The following SLC67A1 variants were observed in gnomAD, a reference collection of about 807,000 sequenced individuals.
SLC67A1 encodes the protein solute carrier family 67 member A1.
the SLC67A1 span, chr11:2,914,615 T>G: frequency 1.3e-6 from 1 of 748,864 alleles, no homozygotes; most frequent in Non-Finnish European, 1.6e-6. Flanking sequence ...GGCTTTCCTG[T>G]TGCCCACAGC....
At chr11:2,909,840 A>G in the SLC67A1 span, 2 of 1,057,192 alleles carry the variant, frequency 1.9e-6, no homozygotes, top group East Asian at 3.0e-5. Flanking sequence ...TGATGTGGCT[A>G]CTGGGGACGT....
the SLC67A1 span, chr11:2,925,077 C>T: frequency 1.9e-6 from 3 of 1,613,818 alleles, no homozygotes; most frequent in Non-Finnish European, 1.7e-6. This position sits in a 1 kb window ranked among gnomAD's most constrained non-coding sequence, Gnocchi z 6.5. Context: ...CGGTCGGCGG[C>T]CTCCTGTACC....
chr11:2,922,162 C>T, the SLC67A1 span: 37 of 1,613,524 alleles, frequency 2.3e-5, no homozygotes, highest in Middle Eastern at 1.6e-4. Context: ...GGTGCTGCTC[C>T]GGGCCAGCGT....
At chr11:2,905,909 A>G in the SLC67A1 span, among the ~76,000 whole-genome samples, 2 of 152,100 alleles carry the variant, frequency 1.3e-5, no homozygotes, top group Non-Finnish European at 2.9e-5. Flanking sequence ...GGGTGCCCCC[A>G]CAGAAGGGGA....
the SLC67A1 span, chr11:2,925,068 G>T: frequency 6.2e-7 from 1 of 1,613,690 alleles, no homozygotes; most frequent in African/African-American, 1.3e-5. The surrounding 1 kb of genome is among the most constrained non-coding windows in gnomAD (Gnocchi z 6.5). Context: ...TGGGACCCAC[G>T]GTCGGCGGCC....
the SLC67A1 span, chr11:2,903,359 G>A: frequency 3.6e-4 from 586 of 1,612,878 alleles, 3 homozygotes; most frequent in East Asian, 7.0e-3. Flanking sequence ...CAGGGAGCTC[G>A]GGCTCCCAGG....
chr11:2,920,267 C>A, the SLC67A1 span: 1 of 152,312 alleles, frequency 6.6e-6, no homozygotes, highest in East Asian at 1.9e-4. Flanking sequence ...GCAGAGAGGG[C>A]CTCTGCTTTT....
chr11:2,915,114 C>T, the SLC67A1 span: 16 of 985,244 alleles, frequency 1.6e-5, no homozygotes, highest in Non-Finnish European at 1.9e-5. Context: ...CAGCACCCCC[C>T]TAGACTGATG....
chr11:2,914,682 G>A, the SLC67A1 span: 3 of 984,906 alleles, frequency 3.0e-6, no homozygotes, highest in Non-Finnish European at 3.6e-6. Context: ...CTGCCACCAT[G>A]CCTTGCTTGT....
the SLC67A1 span, chr11:2,921,193 T>A: frequency 2.9e-5 from 4 of 137,648 alleles, no homozygotes; most frequent in East Asian, 8.6e-4. Flanking sequence ...ATCGCGCCAC[T>A]GCAGTCCACG....
the SLC67A1 span, chr11:2,925,085 A>T: frequency 6.2e-7 from 1 of 1,613,762 alleles, no homozygotes; most frequent in Non-Finnish European, 8.5e-7. This position sits in a 1 kb window ranked among gnomAD's most constrained non-coding sequence, Gnocchi z 6.5. Flanking sequence ...GGCCTCCTGT[A>T]CCGCAGCTTT....
chr11:2,916,431 T>TGTAGA, the SLC67A1 span: 13 of 539,268 alleles, frequency 2.4e-5, no homozygotes, highest in Admixed American at 1.0e-4. Flanking sequence ...GCCCCACCCA[T>TGTAGA]TCCTTCATCC....
chr11:2,914,195 A>T, the SLC67A1 span, among the ~76,000 whole-genome samples: 5 of 152,242 alleles, frequency 3.3e-5, no homozygotes, highest in Non-Finnish European at 7.3e-5. Flanking sequence ...AAAGAGCAGG[A>T]GGAGACAAAG....
the SLC67A1 span, chr11:2,916,609 C>T: frequency 6.2e-7 from 1 of 1,603,972 alleles, no homozygotes; most frequent in Admixed American, 1.7e-5. Flanking sequence ...GCAGCCGAGG[C>T]TGTTGCCCGC....
At chr11:2,900,431 G>A in the SLC67A1 span, among the ~76,000 whole-genome samples, 1 of 152,076 alleles carries the variant, frequency 6.6e-6, no homozygotes, top group African/African-American at 2.4e-5. Flanking sequence ...GGTGGCTCAC[G>A]CCTGTAATCC....
chr11:2,924,681 T>G, the SLC67A1 span, among the ~76,000 whole-genome samples: 4 of 152,094 alleles, frequency 2.6e-5, no homozygotes, highest in Non-Finnish European at 5.9e-5. The surrounding 1 kb of genome is among the most constrained non-coding windows in gnomAD (Gnocchi z 8.6). Flanking sequence ...GCTTGGAAAC[T>G]TTCTGGAGCA....
chr11:2,923,729 G>A, the SLC67A1 span, among the ~76,000 whole-genome samples: 7 of 152,192 alleles, frequency 4.6e-5, no homozygotes, highest in East Asian at 1.9e-4. This position sits in a 1 kb window ranked among gnomAD's most constrained non-coding sequence, Gnocchi z 6.5. Flanking sequence ...ATGAGGACCC[G>A]GCCTGGCTGG....
At chr11:2,919,515 TC>T in the SLC67A1 span, 1 of 789,188 alleles carries the variant, frequency 1.3e-6, no homozygotes, top group Non-Finnish European at 2.1e-6. Flanking sequence ...GCCCTTGGCC[TC>T]CCATCTGGCA....
the SLC67A1 span, among the ~76,000 whole-genome samples, chr11:2,901,908 C>T: frequency 3.9e-4 from 60 of 152,220 alleles, no homozygotes; most frequent in Admixed American, 3.8e-3. Flanking sequence ...CTCCCCGCCC[C>T]TGCCTCCCCT....
Sources: allele counts gnomAD v4.1 joint callset (sites outside exome capture counted in the v4.1 genomes callset), GRCh38; gene constraint gnomAD v4.1.1; non-coding constraint Gnocchi (gnomAD v3.1); transcripts MANE v1.5; gene names NCBI Gene and HGNC (gene_info 2026-07-23, HGNC 2026-07-21).